Variants in GPHN observed in about 807,000 individuals in gnomAD.
GPHN encodes the protein gephyrin.
In GPHN, 17 loss-of-function variants were observed where a neutral mutation model predicts 95.5. That is an observed-to-expected ratio of 0.18 (90% CI 0.12 to 0.27). The LOEUF (loss-of-function observed/expected upper bound fraction) is 0.27, where lower values mean the gene tolerates loss of function less well. Among genes scored for constraint, GPHN ranks in the 10% least tolerant of loss-of-function variants. GPHN has a pLI of 1.00. For missense variants in GPHN, 660 were observed against 978.1 expected, an observed-to-expected ratio of 0.67 and a Z score of 4.34; for synonymous variants, 320 against 322.5, an observed-to-expected ratio of 0.99 and a Z score of 0.08.
intron 18 of GPHN, among the ~76,000 whole-genome samples, chr14:67,145,178 A>G (rs780259096): frequency 6.6e-6 from 1 of 152,220 alleles, no homozygotes; most frequent in Non-Finnish European, 1.5e-5. Context: ...TGTTATTTCC[A>G]GGGTTTGTGT....
intron 3 of GPHN, among the ~76,000 whole-genome samples, chr14:66,815,996 C>T (rs113987310): frequency 0.016 from 2,379 of 152,178 alleles, 33 homozygotes; most frequent in Non-Finnish European, 0.018. Context: ...CAGAAAATGC[C>T]AAGGGTTGCA....
chr14:66,835,220 T>A (rs1382843124), intron 4 of GPHN, among the ~76,000 whole-genome samples: 10 of 148,394 alleles, frequency 6.7e-5, no homozygotes, highest in Non-Finnish European at 1.3e-4. Context: ...CTGGATTCAT[T>A]AATTTTTTGA....
chr14:66,826,424 C>T (rs561642033), intron 4 of GPHN, among the ~76,000 whole-genome samples: 1 of 152,132 alleles, frequency 6.6e-6, no homozygotes. Context: ...AATTCTGACA[C>T]TACCTACCAG....
the GPHN span, among the ~76,000 whole-genome samples, chr14:67,398,895 T>C: frequency 1.1e-4 from 16 of 152,350 alleles, no homozygotes; most frequent in Non-Finnish European, 7.3e-5. Context: ...CATCTTCTCA[T>C]ACCATTAAAT....
At chr14:67,323,858 A>G in the GPHN span, 1 of 989,280 alleles carries the variant, frequency 1.0e-6, no homozygotes, top group Non-Finnish European at 1.5e-6. Context: ...GGTAAACATG[A>G]AACAGTCCTG....
At chr14:67,295,322 T>TA in the GPHN span, among the ~76,000 whole-genome samples, 74 of 146,900 alleles carry the variant, frequency 5.0e-4, 1 homozygote, top group South Asian at 3.9e-3. Flanking sequence ...TGGTCTCTAC[T>TA]AAAAAAAAAA....
At chr14:67,070,531 A>G in intron 11 of GPHN, among the ~76,000 whole-genome samples, 1 of 149,244 alleles carries the variant, frequency 6.7e-6, no homozygotes. Flanking sequence ...CCGCGTCTCT[A>G]CTAAAAATAC....
intron 18 of GPHN, among the ~76,000 whole-genome samples, chr14:67,151,859 G>A (rs2081306676): frequency 6.6e-6 from 1 of 152,066 alleles, no homozygotes; most frequent in Non-Finnish European, 1.5e-5. Flanking sequence ...GGCCAAGCTG[G>A]TCTCGAACTC....
chr14:67,314,363 T>A, the GPHN span, among the ~76,000 whole-genome samples: 1 of 152,222 alleles, frequency 6.6e-6, no homozygotes, highest in Admixed American at 6.5e-5. Context: ...AATATTTACA[T>A]TTATTCTTTT....
At chr14:66,746,849 AGGTAGGTCGAC>A (rs1295969771) in intron 2 of GPHN, among the ~76,000 whole-genome samples, 3 of 152,136 alleles carry the variant, frequency 2.0e-5, no homozygotes, top group Admixed American at 2.0e-4. Flanking sequence ...CTTCTCTGAA[AGGTAGGTCGAC>A]CTCCCTCAGA....
chr14:66,712,934 G>A (rs937681783), intron 2 of GPHN, among the ~76,000 whole-genome samples: 1 of 151,972 alleles, frequency 6.6e-6, no homozygotes, highest in Non-Finnish European at 1.5e-5. Flanking sequence ...GTTGCCCATT[G>A]GTATATCTTC....
At chr14:66,709,928 TA>T (rs372126699) in intron 2 of GPHN, among the ~76,000 whole-genome samples, 343 of 142,904 alleles carry the variant, frequency 2.4e-3, no homozygotes, top group Middle Eastern at 3.6e-3. Flanking sequence ...TTGATGCCAT[TA>T]AAAAAAAAAA....
At chr14:66,508,992 GA>G (rs1289480909) in intron 1 of GPHN, 4 of 271,212 alleles carry the variant, frequency 1.5e-5, no homozygotes, top group Non-Finnish European at 2.9e-5. Context: ...TCTTCAGAGA[GA>G]GGGGGGAATC....
chr14:66,943,049 C>G, intron 8 of GPHN, among the ~76,000 whole-genome samples: 1 of 152,116 alleles, frequency 6.6e-6, no homozygotes, highest in East Asian at 1.9e-4. Context: ...TTTCAATGCT[C>G]AGTTCACTGA....
intron 1 of GPHN, among the ~76,000 whole-genome samples, chr14:66,621,217 C>T (rs563872397): frequency 1.1e-4 from 16 of 151,576 alleles, no homozygotes; most frequent in Non-Finnish European, 1.6e-4. Context: ...CCTCATGATC[C>T]GCCTGCCTCG....
chr14:67,503,477 C>T, the GPHN span: 4 of 152,136 alleles, frequency 2.6e-5, no homozygotes, highest in African/African-American at 4.8e-5. Flanking sequence ...GGGCAAAGGA[C>T]GTCAATTACC....
chr14:67,187,606 A>G, the GPHN span, among the ~76,000 whole-genome samples: 440 of 152,334 alleles, frequency 2.9e-3, 10 homozygotes, highest in East Asian at 0.017. Context: ...ACTGGAGCAG[A>G]TGAAGTCCCA....
At chr14:67,714,611 G>T in the GPHN span, 1 of 168,748 alleles carries the variant, frequency 5.9e-6, no homozygotes, top group South Asian at 1.5e-4. Flanking sequence ...AGAAAACATG[G>T]AGTTGTTCCT....
chr14:67,344,984 A>G, the GPHN span, among the ~76,000 whole-genome samples: 1 of 151,910 alleles, frequency 6.6e-6, no homozygotes, highest in South Asian at 2.1e-4. Flanking sequence ...GCTCATACCT[A>G]TAATCCCAGC....
Sources: allele counts gnomAD v4.1 joint callset (sites outside exome capture counted in the v4.1 genomes callset), GRCh38; gene constraint gnomAD v4.1.1; transcripts MANE v1.5; gene names NCBI Gene and HGNC (gene_info 2026-07-23, HGNC 2026-07-21).